Variants in LTK observed in about 807,000 individuals in gnomAD.
The protein encoded by LTK is leukocyte tyrosine kinase receptor.
A neutral mutation model predicts 101.5 loss-of-function variants in LTK; 117 were observed. The observed-to-expected ratio is 1.15, with a 90% confidence interval of 0.99 to 1.34. The LOEUF is 1.34. Ranked by LOEUF, LTK falls within the 40% of genes most tolerant of loss-of-function variation. The probability of loss-of-function intolerance (pLI) is 0.00; values close to 1 mark genes in which losing one functional copy is unlikely to be tolerated. For synonymous variants in LTK, 563 were observed against 494.2 expected, an observed-to-expected ratio of 1.14 and a Z score of -1.85; for missense variants, 1,252 against 1,164.7, an observed-to-expected ratio of 1.07 and a Z score of -1.09.
Position 41,504,336 on chromosome 15 carries a change from G to A in LTK, c.2346+6C>T, listed in dbSNP as rs766752975. ...ACCAGGATGTTAGATTAGGTCGGGG[G>A]CACACCTGAGTGCAGTACTGCAGAC... is the stretch of plus-strand genomic sequence containing the variant. On this transcript the variant is annotated splice_donor_region_variant and intron_variant, in intron 19 of 19. Transcript: ENST00000263800. 1.1e-5 allele frequency: 18 copies of A among 1,614,004 alleles called. No individual in the cohort carries two copies. In the South Asian group the frequency reaches 2.0e-4, roughly 18 times the overall value.
At chr15:41,507,716 G>A (rs1286750039) in intron 9 of LTK, 59 bp from the exon 10 acceptor site, 1 of 1,525,586 alleles carries the variant, frequency 6.6e-7, no homozygotes, top group Non-Finnish European at 8.9e-7. Flanking sequence ...TTACCCTCAA[G>A]TTTTACCCAC....
Position 41,511,159 on chromosome 15 carries a change from C to A in LTK, c.997+5G>T. ...CTCAGCTGCCCTCTCCAACGGTGCACCTACCCCTGTAGCCGCCGCCGCCTC... is the reference window on the plus strand; with the variant it reads ...CTCAGCTGCCCTCTCCAACGGTGCAACTACCCCTGTAGCCGCCGCCGCCTC... On this transcript the variant is annotated splice_donor_5th_base_variant and intron_variant, in intron 7 of 19. Coordinates refer to ENST00000263800, the MANE Select transcript of LTK (RefSeq NM_002344.6). The surrounding 1 kb of genome is among the most constrained non-coding windows in gnomAD (Gnocchi z 5.9). 7.1e-7 allele frequency: 1 copy of A among 1,407,680 alleles called. No homozygotes were observed. The highest frequency in any genetic ancestry group is 1.6e-5 in the South Asian group (1 of 61,592). The allele number at this position is 1,407,680 out of a possible 1,614,324, so 87.2% of individuals were successfully genotyped here. A position where few individuals can be genotyped will look rare whatever the true frequency, so the allele number is the denominator to read the frequency against.
In LTK at chr15:41,512,715, G is replaced by T; in HGVS notation, c.351C>A (p.Gly117=). 1.3e-6 allele frequency: 2 copies of T among 1,590,194 alleles called. No individual in the cohort carries two copies. The change falls in exon 3 of 20, where the codon GGC becomes GGA. Residue 117 remains glycine (G), a synonymous_variant. Transcript: ENST00000263800. ...CTCCGCCGTGCACTTACAGATACTG[G>T]CCAGGGCCCGGCACGCGCCACAGCT... ...GVQLWRVPGP[G]QYLISAYGAA...
At chr15:41,510,498 G>C (rs1439130266) in intron 7 of LTK, among the ~76,000 whole-genome samples, 2 of 57,520 alleles carry the variant, frequency 3.5e-5, no homozygotes, top group Admixed American at 2.2e-4. Context: ...TTTCCCTCTT[G>C]TCGCCCAGGC....
chr15:41,509,532 C>A (rs977365365), intron 7 of LTK, among the ~76,000 whole-genome samples: 1 of 152,130 alleles, frequency 6.6e-6, no homozygotes, highest in Non-Finnish European at 1.5e-5. Flanking sequence ...GCTGAGAATT[C>A]GCATTTCTTT....
chr15:41,511,545 C>A lies in LTK; in HGVS notation c.691G>T (p.Ala231Ser). The A allele has an allele frequency of 6.9e-7, 1 of 1,456,854 alleles. No homozygotes were observed. The highest frequency in any genetic ancestry group is 2.8e-5 in the Admixed American group (1 of 35,300). The allele number at this position is 1,456,854 out of a possible 1,614,324, so 90.2% of individuals were successfully genotyped here. ...RAGELEPLLVAAGGGGRAYLR... is the reference protein window; with the variant it reads ...RAGELEPLLVSAGGGGRAYLR... ...TAGGCCCGACCGCCGCCTCCGGCCG[C>A]CACCAGCAACGGTTCCAGCTCGCCA... is the stretch of plus-strand genomic sequence containing the variant. Residue 231 changes from alanine (A) to serine (S), a missense_variant, in exon 6 of 20, where the codon GCG becomes TCG. Coordinates refer to ENST00000263800, the MANE Select transcript of LTK (RefSeq NM_002344.6). This position sits in a 1 kb window ranked among gnomAD's most constrained non-coding sequence, Gnocchi z 5.9.
chr15:41,511,976 G>A lies in LTK; in HGVS notation c.511-13C>T, dbSNP rs767413541. On this transcript the variant is annotated splice_polypyrimidine_tract_variant and intron_variant, in intron 4 of 19. Coordinates refer to ENST00000263800, the MANE Select transcript of LTK (RefSeq NM_002344.6). The surrounding 1 kb of genome is among the most constrained non-coding windows in gnomAD (Gnocchi z 5.9). Reference sequence around the variant, plus strand: ...TCTCCGGGCTACCCTGCGGGCAGCGGGGGAGGGAATCGGCGGGGCCCGGGA... The same window carrying A: ...TCTCCGGGCTACCCTGCGGGCAGCGAGGGAGGGAATCGGCGGGGCCCGGGA... The A allele has an allele frequency of 2.7e-6, 4 of 1,466,454 alleles. No homozygotes were observed. In the Admixed American group the frequency reaches 1.1e-4, roughly 40 times the overall value. The allele number at this position is 1,466,454 out of a possible 1,614,324, so 90.8% of individuals were successfully genotyped here.
At chr15:41,512,093 C>G (rs1380572072) in intron 4 of LTK, 22 bp downstream of exon 4, 2 of 1,574,608 alleles carry the variant, frequency 1.3e-6, no homozygotes, top group South Asian at 2.3e-5. Context: ...GGCGCCGCCC[C>G]ATCCCCACTG....
Position 41,512,833 on chromosome 15 carries a change from C to T in LTK, c.233G>A (p.Arg78Gln), listed in dbSNP as rs1474475278. 7 of 1,612,290 alleles carry T rather than the reference C, an allele frequency of 4.3e-6. No homozygotes were observed. The African/African-American group carries it at 8.0e-5, about 18-fold the overall frequency. Reference protein sequence around the residue: ...WLFSTCGASGRHGPTQTQCDG... With the variant: ...WLFSTCGASGQHGPTQTQCDG... ...ACATTGTGTCTGTGTGGGCCCATGCCGGCCGCTGGCCCCGCAGGTAGAAAA... is the reference window on the plus strand; with the variant it reads ...ACATTGTGTCTGTGTGGGCCCATGCTGGCCGCTGGCCCCGCAGGTAGAAAA... Residue 78 changes from arginine (R) to glutamine (Q), a missense_variant, in exon 3 of 20, where the codon CGG becomes CAG. By Grantham distance (43) the Arg-to-Gln change is conservative. Transcript: ENST00000263800.
In LTK at chr15:41,507,127, G is replaced by C. The variant is rs150296915; in HGVS notation, c.1509C>G (p.Thr503=). 373 of 1,613,354 alleles carry C rather than the reference G, an allele frequency of 2.3e-4. 1 individual carries two copies. The highest frequency in any genetic ancestry group is 3.1e-4 in the Non-Finnish European group (364 of 1,179,902). Residue 503 remains threonine, a synonymous_variant, in exon 11 of 20, where the codon ACC becomes ACG. Coordinates refer to ENST00000263800, the MANE Select transcript of LTK (RefSeq NM_002344.6). Reference sequence around the variant, plus strand: ...GAGTAACATTGGCTGGGGAAACCTCGGTGACACCTGGTGGCAGAGGCCAGG... The same window carrying C: ...GAGTAACATTGGCTGGGGAAACCTCCGTGACACCTGGTGGCAGAGGCCAGG... ...AQSWPLPPGV[T]EVSPANVTLL...
In LTK at chr15:41,511,544, G is replaced by A. The variant is rs773572829; in HGVS notation, c.692C>T (p.Ala231Val). Residue 231 changes from alanine (A) to valine (V), a missense_variant, in exon 6 of 20, where the codon GCG becomes GTG. Physicochemically the swap from Ala to Val is moderately conservative, Grantham distance 64 (BLOSUM62 0). Coordinates refer to ENST00000263800, the MANE Select transcript of LTK (RefSeq NM_002344.6). The surrounding 1 kb of genome is among the most constrained non-coding windows in gnomAD (Gnocchi z 5.9). ...RAGELEPLLV[A>V]AGGGGRAYLR... is the part of the protein sequence containing the mutation. ...GTAGGCCCGACCGCCGCCTCCGGCCGCCACCAGCAACGGTTCCAGCTCGCC... is the reference window on the plus strand; with the variant it reads ...GTAGGCCCGACCGCCGCCTCCGGCCACCACCAGCAACGGTTCCAGCTCGCC... 6.9e-7 allele frequency: 1 copy of A among 1,455,122 alleles called. No individual in the cohort carries two copies. The allele number at this position is 1,455,122 out of a possible 1,614,324, so 90.1% of individuals were successfully genotyped here. A position where few individuals can be genotyped will look rare whatever the true frequency, so the allele number is the denominator to read the frequency against.
At chr15:41,508,928 G>A in intron 8 of LTK, 103 bp downstream of exon 8, 1 of 720,930 alleles carries the variant, frequency 1.4e-6, no homozygotes, top group Non-Finnish European at 2.4e-6. Flanking sequence ...TGCTATGCAA[G>A]GTTATTCACA....
rs1375859564 is a variant in LTK, at chr15:41,511,343, C to A, written c.818G>T (p.Gly273Val). 3 of 1,359,908 alleles carry A rather than the reference C, an allele frequency of 2.2e-6. No homozygotes were observed. The highest frequency in any genetic ancestry group is 2.8e-6 in the Non-Finnish European group (3 of 1,064,074). 84.2% of individuals were successfully genotyped at this position (1,359,908 alleles called of 1,614,324 possible). Residue 273 changes from glycine (G) to valine (V), a missense_variant, in exon 7 of 20, where the codon GGT (glycine) becomes GTT (valine). Coordinates refer to ENST00000263800, the MANE Select transcript of LTK (RefSeq NM_002344.6). The surrounding 1 kb of genome is among the most constrained non-coding windows in gnomAD (Gnocchi z 5.9). Reference sequence around the variant, plus strand: ...AGCCCGCGACGTCCAGCCGCCCCCACCACCTGCAGAGCGACAGCAGGAAGG... The same window carrying A: ...AGCCCGCGACGTCCAGCCGCCCCCAACACCTGCAGAGCGACAGCAGGAAGG... ...GSGGRGGAAGGGGGWTSRAPS... is the reference protein window; with the variant it reads ...GSGGRGGAAGVGGGWTSRAPS...
At position 41,504,252 on chromosome 15, in the gene LTK, G is replaced by A; in HGVS notation, c.2347-8C>T. 6.2e-7 allele frequency: 1 copy of A among 1,606,544 alleles called. No homozygotes were observed. Among genetic ancestry groups the A allele is most frequent in the East Asian group, 2.2e-5 (1 of 44,716 alleles). On this transcript the variant is annotated splice_region_variant and splice_polypyrimidine_tract_variant and intron_variant, in intron 19 of 19. Coordinates refer to ENST00000263800, the MANE Select transcript of LTK (RefSeq NM_002344.6). The stretch of plus-strand genomic sequence containing the variant: ...ATTCAGCACATCCGGGTCCTGTAAT[G>A]GAAGAGTCAGGGAGCAGGGGGGCAT...
In LTK at chr15:41,512,165, C is replaced by T. The variant is rs142529901; in HGVS notation, c.460G>A (p.Glu154Lys). Residue 154 changes from glutamate to lysine, a missense_variant, in exon 4 of 20, where the codon GAG (glutamate) becomes AAG (lysine). Physicochemically the swap from Glu to Lys is moderately conservative, Grantham distance 56. Coordinates refer to ENST00000263800, the MANE Select transcript of LTK (RefSeq NM_002344.6). The stretch of plus-strand genomic sequence containing the variant: ...TGCCCCACCAGGATGTACAGCGACT[C>T]CCCGAGACCGAGGGAGAAGATTGCT... The part of the protein sequence containing the change: ...VSAIFSLGLG[E>K]SLYILVGQQG... 445 of 1,612,420 alleles carry T rather than the reference C, an allele frequency of 2.8e-4. 4 individuals carry two copies. In the South Asian group the frequency reaches 3.4e-3, roughly 12 times the overall value.
intron 3 of LTK, among the ~76,000 whole-genome samples, chr15:41,512,489 T>C (rs559325439): frequency 1.3e-5 from 2 of 152,290 alleles, no homozygotes; most frequent in South Asian, 4.2e-4. Context: ...CAAGCACCCC[T>C]TGGCGCCGCC....
At chr15:41,507,786 C>T in intron 9 of LTK, 129 bp from the exon 10 acceptor site, 1 of 990,386 alleles carries the variant, frequency 1.0e-6, no homozygotes, top group South Asian at 1.7e-5. Context: ...TTATCCTGGG[C>T]AAAAGCAACC....
chr15:41,509,314 G>T (rs2289739), intron 7 of LTK, among the ~76,000 whole-genome samples, 185 bp from the exon 8 acceptor site: 47,391 of 151,978 alleles, frequency 0.31, 7,886 homozygotes, highest in Admixed American at 0.39. Context: ...TGAAGGCCTC[G>T]CTGAGGCTGG....
At chr15:41,510,348 C>T (rs1324492230) in intron 7 of LTK, among the ~76,000 whole-genome samples, 1 of 152,114 alleles carries the variant, frequency 6.6e-6, no homozygotes, top group Non-Finnish European at 1.5e-5. Context: ...TAACTACAGT[C>T]ACCATGTAGT....
Sources: allele counts gnomAD v4.1 joint callset (sites outside exome capture counted in the v4.1 genomes callset), GRCh38; gene constraint gnomAD v4.1.1; non-coding constraint Gnocchi (gnomAD v3.1); transcripts MANE v1.5; gene names NCBI Gene and HGNC (gene_info 2026-07-23, HGNC 2026-07-21).